The following SLCO5A1 variants were observed in gnomAD, a reference collection of about 807,000 sequenced individuals.
SLCO5A1 encodes solute carrier organic anion transporter family member 5A1.
In SLCO5A1, 39 loss-of-function variants were observed where a neutral mutation model predicts 65.1. The observed-to-expected ratio is 0.60, with a 90% CI of 0.46 to 0.78. SLCO5A1 has a LOEUF of 0.78. Ranked by LOEUF, SLCO5A1 falls within the 30% of genes least tolerant of loss-of-function variation. The probability of loss-of-function intolerance (pLI) is 0.00; values close to 1 mark genes in which losing one functional copy is unlikely to be tolerated. For missense variants in SLCO5A1, 1,029 were observed against 1,069.4 expected (o/e 0.96, Z 0.53); for synonymous variants, 438 against 415.7 (o/e 1.05, Z -0.65).
intron 5 of SLCO5A1, among the ~76,000 whole-genome samples, chr8:69,729,765 G>C (rs535985173): frequency 1.8e-4 from 27 of 152,160 alleles, no homozygotes; most frequent in Non-Finnish European, 3.2e-4. Flanking sequence ...CCCTCCCTAA[G>C]ACTCCTTACT....
At chr8:69,690,924 T>C (rs1814233266) in intron 6 of SLCO5A1, among the ~76,000 whole-genome samples, 1 of 152,218 alleles carries the variant, frequency 6.6e-6, no homozygotes, top group African/African-American at 2.4e-5. Flanking sequence ...AAGATAGTCA[T>C]AGACAGTAAG....
At chr8:69,737,302 A>G (rs1816602888) in intron 5 of SLCO5A1, among the ~76,000 whole-genome samples, 1 of 152,234 alleles carries the variant, frequency 6.6e-6, no homozygotes, top group East Asian at 1.9e-4. Flanking sequence ...CTATTTAAAT[A>G]CACTTCAACT....
chr8:69,691,557 G>C (rs1814261457), intron 6 of SLCO5A1, among the ~76,000 whole-genome samples: 1 of 152,126 alleles, frequency 6.6e-6, no homozygotes, highest in Non-Finnish European at 1.5e-5. Context: ...CTATGAACTT[G>C]ACTCTTTTAG....
chr8:69,789,742 A>G (rs1246342009), intron 2 of SLCO5A1, among the ~76,000 whole-genome samples: 1 of 152,196 alleles, frequency 6.6e-6, no homozygotes, highest in Non-Finnish European at 1.5e-5. Flanking sequence ...AATATCCTTC[A>G]CTACTGTAAC....
chr8:69,832,945 C>G lies in SLCO5A1; in HGVS notation c.-272G>C. 2.3e-6 allele frequency: 1 copy of G among 440,538 alleles called. No individual in the cohort carries two copies. Among genetic ancestry groups the G allele is most frequent in the East Asian group, 4.1e-5 (1 of 24,466 alleles). The allele number at this position is 440,538 out of a possible 1,614,324, so 27.3% of individuals were successfully genotyped here. On this transcript the variant is annotated 5_prime_UTR_variant, in exon 2 of 10. Transcript: ENST00000260126. The surrounding 1 kb of genome is among the most constrained non-coding windows in gnomAD (Gnocchi z 4.5). ...GATGAGCCCTACTCGGCGTCCCTCT[C>G]CGGGCGGTAGCTTGAGGCAGGCGCC...
intron 5 of SLCO5A1, among the ~76,000 whole-genome samples, chr8:69,714,597 C>G (rs1022680629): frequency 1.3e-5 from 2 of 152,140 alleles, no homozygotes; most frequent in African/African-American, 4.8e-5. Context: ...GTCAGGTTCC[C>G]CGTGACAATC....
chr8:69,669,153 G>T lies in SLCO5A1; in HGVS notation c.*3716C>A, dbSNP rs1813262357. 1 of 151,988 alleles carries T rather than the reference G, an allele frequency of 6.6e-6. No individual in the cohort carries two copies. The highest frequency in any genetic ancestry group is 2.4e-5 in the African/African-American group (1 of 41,394). The allele number at this position is 151,988 out of a possible 1,614,324, so 9.4% of individuals were successfully genotyped here. A position where few individuals can be genotyped will look rare whatever the true frequency, so the allele number is the denominator to read the frequency against. ...TATGAACTATAAATAAATATTTGAG[G>T]TATGTTATGACAAATAACTTTAATA... On this transcript the variant is annotated 3_prime_UTR_variant, in exon 10 of 10. Coordinates refer to ENST00000260126, the MANE Select transcript of SLCO5A1 (RefSeq NM_030958.3).
intron 2 of SLCO5A1, among the ~76,000 whole-genome samples, chr8:69,798,027 C>T (rs375198583): frequency 4.6e-5 from 7 of 152,094 alleles, no homozygotes; most frequent in Admixed American, 1.3e-4. Context: ...ATGTCTCCCC[C>T]GGACACCCAG....
chr8:69,716,558 T>C (rs1815549325), intron 5 of SLCO5A1, among the ~76,000 whole-genome samples: 1 of 152,232 alleles, frequency 6.6e-6, no homozygotes. Context: ...GATTTGCATA[T>C]CCGTGATAAC....
intron 4 of SLCO5A1, among the ~76,000 whole-genome samples, chr8:69,750,451 C>T (rs1341952757): frequency 2.0e-5 from 3 of 152,060 alleles, no homozygotes; most frequent in South Asian, 2.1e-4. Context: ...GAAAAGAAAT[C>T]GAAGAACTCA....
intron 7 of SLCO5A1, among the ~76,000 whole-genome samples, chr8:69,680,404 C>T (rs531558030): frequency 1.3e-5 from 2 of 152,288 alleles, no homozygotes; most frequent in South Asian, 4.1e-4. Flanking sequence ...TCTAATCCTG[C>T]ATTAATTCAC....
intron 4 of SLCO5A1, 135 bp downstream of exon 4, chr8:69,755,289 T>G: frequency 1.8e-6 from 1 of 550,090 alleles, no homozygotes; most frequent in Non-Finnish European, 2.9e-6. Context: ...TTTCTAAGAG[T>G]TTTGCAACAC....
chr8:69,692,042 A>T (rs1383315858), intron 6 of SLCO5A1, among the ~76,000 whole-genome samples: 1 of 152,152 alleles, frequency 6.6e-6, no homozygotes, highest in Admixed American at 6.5e-5. Context: ...AGGTCAGGAG[A>T]TCAAGACCAT....
chr8:69,779,494 A>G (rs1818712475), intron 2 of SLCO5A1, among the ~76,000 whole-genome samples: 1 of 152,194 alleles, frequency 6.6e-6, no homozygotes, highest in Non-Finnish European at 1.5e-5. Context: ...CAGTATTTTA[A>G]TTGAACCTTA....
rs2130777996 is a variant in SLCO5A1, at chr8:69,667,770, C to A, written c.*5099G>T. ...TACCTGAAATATTTTTTCTACCTTT[C>A]TCTGAAATTATTTTTGGCATCTGAT... On this transcript the variant is annotated 3_prime_UTR_variant, in exon 10 of 10. Coordinates refer to ENST00000260126, the MANE Select transcript of SLCO5A1 (RefSeq NM_030958.3). 1 of 152,308 alleles carries A rather than the reference C, an allele frequency of 6.6e-6. No individual in the cohort carries two copies. The highest frequency in any genetic ancestry group is 2.4e-5 in the African/African-American group (1 of 41,568). The allele number at this position is 152,308 out of a possible 1,614,324, so 9.4% of individuals were successfully genotyped here. A position where few individuals can be genotyped will look rare whatever the true frequency, so the allele number is the denominator to read the frequency against.
chr8:69,761,969 A>C (rs1195437855), intron 2 of SLCO5A1, 94 bp from the exon 3 acceptor site: 4 of 1,448,940 alleles, frequency 2.8e-6, no homozygotes, highest in Non-Finnish European at 2.8e-6. Context: ...GACATCTCAC[A>C]GTTCAATCCA....
At chr8:69,739,417 G>T (rs1413139515) in intron 4 of SLCO5A1, among the ~76,000 whole-genome samples, 2 of 152,050 alleles carry the variant, frequency 1.3e-5, no homozygotes, top group African/African-American at 4.8e-5. Context: ...GACTATTAAG[G>T]TTTTGTGTTC....
intron 6 of SLCO5A1, among the ~76,000 whole-genome samples, chr8:69,684,687 C>T (rs1813932628): frequency 6.6e-6 from 1 of 152,132 alleles, no homozygotes; most frequent in African/African-American, 2.4e-5. Flanking sequence ...CTTCTCTGGG[C>T]CACTCCACCT....
rs1813310190 is a variant in SLCO5A1 at position 69,670,857 on chromosome 8, C to A, written c.*2012G>T. ...CTCTCCAATCTACATATCTTTAACT[C>A]CCACACCAAAGGAAAATTTCTCCTT... is the stretch of plus-strand genomic sequence containing the variant. On this transcript the variant is annotated 3_prime_UTR_variant, in exon 10 of 10. Transcript: ENST00000260126. 6.6e-6 allele frequency: 1 copy of A among 152,188 alleles called. No individual in the cohort carries two copies. Among genetic ancestry groups the A allele is most frequent in the Admixed American group, 6.6e-5 (1 of 15,264 alleles). The allele number at this position is 152,188 out of a possible 1,614,324, so 9.4% of individuals were successfully genotyped here.
Sources: allele counts gnomAD v4.1 joint callset (sites outside exome capture counted in the v4.1 genomes callset), GRCh38; gene constraint gnomAD v4.1.1; non-coding constraint Gnocchi (gnomAD v3.1); transcripts MANE v1.5; gene names NCBI Gene and HGNC (gene_info 2026-07-23, HGNC 2026-07-21).